Variants in RCOR1 observed in about 807,000 individuals in gnomAD.
RCOR1 encodes REST corepressor.
RCOR1 carries 12 observed loss-of-function variants against 64.0 expected under a neutral mutation model. The ratio of observed to expected loss-of-function variants is 0.19; its 90% CI spans 0.12 to 0.30. RCOR1 has a LOEUF of 0.30. Ranked by LOEUF, RCOR1 falls within the 10% of genes least tolerant of loss-of-function variation. The pLI is 1.00. For missense variants in RCOR1, 502 were observed against 621.2 expected, an observed-to-expected ratio of 0.81 and a Z score of 2.04; for synonymous variants, 279 against 227.2, an observed-to-expected ratio of 1.23 and a Z score of -2.05.
At chr14:102,696,808 C>CT (rs71305075) in intron 3 of RCOR1, among the ~76,000 whole-genome samples, 6,393 of 57,498 alleles carry the variant, frequency 0.11, 429 homozygotes, top group African/African-American at 0.16. Context: ...ATCTGCTTAT[C>CT]TTTTTTTTTT....
chr14:102,722,460 C>A, intron 11 of RCOR1, 44 bp downstream of exon 11: 1 of 1,467,682 alleles, frequency 6.8e-7, no homozygotes, highest in Non-Finnish European at 9.5e-7. Flanking sequence ...CAGGTTCACG[C>A]TTGATACTCC....
intron 2 of RCOR1, among the ~76,000 whole-genome samples, chr14:102,633,757 T>C (rs1894175459): frequency 2.0e-5 from 3 of 152,158 alleles, no homozygotes; most frequent in Admixed American, 2.0e-4. Flanking sequence ...CAGGCTGGTC[T>C]CGAACTCCTG....
chr14:102,729,853 G>A lies in RCOR1; in HGVS notation c.*3347G>A, dbSNP rs1214473459. 1.8e-5 allele frequency: 7 copies of A among 398,940 alleles called. No individual in the cohort carries two copies. Among genetic ancestry groups the A allele is most frequent in the Non-Finnish European group, 2.2e-5 (5 of 226,090 alleles). The allele number at this position is 398,940 out of a possible 1,614,324, so 24.7% of individuals were successfully genotyped here. ...AAAGATGGAGCCAACTCCAACGAGG[G>A]CCTCTTTTTCTCTCTTGTCTAGCCT... On this transcript the variant is annotated 3_prime_UTR_variant, in exon 12 of 12. Coordinates refer to ENST00000262241, the MANE Select transcript of RCOR1 (RefSeq NM_015156.4).
Position 102,681,909 on chromosome 14 carries a change from C to T in RCOR1, c.376C>T (p.Arg126Cys), listed in dbSNP as rs775741097. 1.8e-5 allele frequency: 29 copies of T among 1,613,104 alleles called. No individual in the cohort carries two copies. Among genetic ancestry groups the T allele is most frequent in the African/African-American group, 4.0e-5 (3 of 74,906 alleles). Residue 126 changes from arginine to cysteine, a missense_variant, in exon 3 of 12, where the codon CGC becomes TGC. Physicochemically the swap from Arg to Cys is radical, Grantham distance 180 (BLOSUM62 -3). Around this residue, in one of 2 missense-constraint regions of RCOR1, gnomAD observed 242 missense variants for 204.9 expected, o/e 1.18. Coordinates refer to ENST00000262241, the MANE Select transcript of RCOR1 (RefSeq NM_015156.4). ...PDFDPAKLARRSQERDNLGML... is the reference protein window; with the variant it reads ...PDFDPAKLARCSQERDNLGML... The stretch of plus-strand genomic sequence containing the variant: ...TTTCTCCCAAGCCAAACTGGCAAGA[C>T]GCAGTCAAGAACGGGACAATCTTGG...
At chr14:102,676,199 A>G (rs1293601161) in intron 2 of RCOR1, among the ~76,000 whole-genome samples, 2 of 150,222 alleles carry the variant, frequency 1.3e-5, no homozygotes, top group Non-Finnish European at 3.0e-5. Context: ...CATTGTCATC[A>G]TGGCCCATCC....
intron 7 of RCOR1, among the ~76,000 whole-genome samples, chr14:102,713,884 G>T (rs984537129): frequency 6.6e-6 from 1 of 152,196 alleles, no homozygotes; most frequent in African/African-American, 2.4e-5. Context: ...TTACCAGTAA[G>T]TTATATTCTT....
At chr14:102,707,229 A>C in intron 4 of RCOR1, 122 bp from the exon 5 acceptor site, 9 of 706,812 alleles carry the variant, frequency 1.3e-5, no homozygotes, top group Non-Finnish European at 1.8e-5. Context: ...TCTGCCACTT[A>C]GCGCTGTAGA....
intron 2 of RCOR1, among the ~76,000 whole-genome samples, chr14:102,609,274 C>G (rs906011287): frequency 2.0e-5 from 3 of 151,926 alleles, no homozygotes; most frequent in Non-Finnish European, 4.4e-5. Context: ...AACTCCCGAC[C>G]TCAGGTGATC....
rs944857057 is a variant in RCOR1, at chr14:102,642,178, C to G, written c.362-39717C>G. ...GCTGCGTCTGTGTCCATTGTCCTTT[C>G]AGTTTCTTACTCTAATTGAAAGAAT... is the stretch of plus-strand genomic sequence containing the variant. On this transcript the variant is annotated intron_variant, in intron 2 of 11. Transcript: ENST00000262241. Among the ~76,000 whole-genome samples, 44 of 152,256 alleles carry G rather than the reference C, an allele frequency of 2.9e-4. 1 individual carries two copies. Among genetic ancestry groups the G allele is most frequent in the Admixed American group, 2.2e-3 (33 of 15,280 alleles).
chr14:102,629,759 G>C (rs1260521782), intron 2 of RCOR1, among the ~76,000 whole-genome samples: 1 of 152,220 alleles, frequency 6.6e-6, no homozygotes, highest in African/African-American at 2.4e-5. Flanking sequence ...GCATATGTGA[G>C]TGTAAGGGCA....
At chr14:102,711,150 A>G (rs1241188287) in intron 7 of RCOR1, 137 bp downstream of exon 7, 10 of 613,430 alleles carry the variant, frequency 1.6e-5, no homozygotes, top group Non-Finnish European at 2.6e-5. Context: ...TTTTTCAACA[A>G]TACTGTCTTT....
intron 8 of RCOR1, among the ~76,000 whole-genome samples, chr14:102,716,067 T>C (rs1566712928): frequency 6.6e-6 from 1 of 151,828 alleles, no homozygotes; most frequent in Non-Finnish European, 1.5e-5. Flanking sequence ...CATATTTTGG[T>C]AGTCTTAAAT....
At chr14:102,697,039 T>C (rs1461406121) in intron 3 of RCOR1, among the ~76,000 whole-genome samples, 1 of 152,194 alleles carries the variant, frequency 6.6e-6, no homozygotes, top group African/African-American at 2.4e-5. Context: ...GTATGGCAGC[T>C]ATGCATGTCC....
At chr14:102,658,561 A>G (rs1056513328) in intron 2 of RCOR1, 1 of 985,282 alleles carries the variant, frequency 1.0e-6, no homozygotes, top group Admixed American at 6.1e-5. Flanking sequence ...CTCTTTTCTC[A>G]GGAACAGGAT....
intron 2 of RCOR1, among the ~76,000 whole-genome samples, chr14:102,642,265 C>G (rs963253282): frequency 2.0e-5 from 3 of 152,080 alleles, no homozygotes; most frequent in Non-Finnish European, 4.4e-5. Flanking sequence ...TAACAAGTGT[C>G]TGATCTTGAT....
rs942030644 is a variant in RCOR1, at chr14:102,709,442, T to TA, written c.779+866dup. Among the ~76,000 whole-genome samples, 4 of 152,066 alleles carry TA rather than the reference T, an allele frequency of 2.6e-5. No individual in the cohort carries two copies. The South Asian group carries it at 6.2e-4, about 24-fold the overall frequency. On this transcript the variant is annotated intron_variant, in intron 6 of 11. Coordinates refer to ENST00000262241, the MANE Select transcript of RCOR1 (RefSeq NM_015156.4). Reference sequence around the variant, plus strand: ...CTGTAATATTTTTATCAATTAATAATAAAAAAATAAAATGAAGGAGGATGA... The same window carrying TA: ...CTGTAATATTTTTATCAATTAATAATAAAAAAAATAAAATGAAGGAGGATGA...
At chr14:102,691,514 G>A (rs1025763015) in intron 3 of RCOR1, among the ~76,000 whole-genome samples, 2 of 152,234 alleles carry the variant, frequency 1.3e-5, no homozygotes, top group African/African-American at 2.4e-5. Flanking sequence ...AGCAGCAGTA[G>A]CGATAGGGTA....
chr14:102,704,044 A>G (rs941218127), intron 4 of RCOR1, among the ~76,000 whole-genome samples: 8 of 152,194 alleles, frequency 5.3e-5, no homozygotes, highest in African/African-American at 1.9e-4. Flanking sequence ...GTCAGATAGC[A>G]CCTCTGGTGC....
intron 11 of RCOR1, among the ~76,000 whole-genome samples, chr14:102,726,111 G>C (rs1298733436): frequency 6.6e-6 from 1 of 151,778 alleles, no homozygotes; most frequent in Non-Finnish European, 1.5e-5. Context: ...GGCAGATCAC[G>C]AGGTCAGGAG....
Sources: allele counts gnomAD v4.1 joint callset (sites outside exome capture counted in the v4.1 genomes callset), GRCh38; gene constraint gnomAD v4.1.1; regional missense constraint gnomAD v4.1.1; transcripts MANE v1.5; gene names NCBI Gene and HGNC (gene_info 2026-07-23, HGNC 2026-07-21).